GDAP2: variants seen among roughly 807,000 people sequenced by gnomAD.
The protein encoded by GDAP2 is ganglioside induced differentiation associated protein 2.
A neutral mutation model predicts 67.0 loss-of-function variants in GDAP2; 51 were observed. The observed-to-expected ratio is 0.76, with a 90% CI of 0.61 to 0.96. The LOEUF is 0.96. GDAP2 is among the 40% of genes least tolerant of loss of function. The pLI is 0.00. For missense variants in GDAP2, 547 were observed against 588.3 expected (o/e 0.93, Z 0.73); for synonymous variants, 203 against 207.3 (o/e 0.98, Z 0.18).
At chr1:117,900,017 CAT>C (rs1157326716) in intron 6 of GDAP2, among the ~76,000 whole-genome samples, 1 of 151,898 alleles carries the variant, frequency 6.6e-6, no homozygotes, top group African/African-American at 2.4e-5. Flanking sequence ...CTTTTAAATA[CAT>C]ATATAAGATT....
At chr1:117,908,681 T>C (rs1649742986) in intron 5 of GDAP2, among the ~76,000 whole-genome samples, 1 of 151,888 alleles carries the variant, frequency 6.6e-6, no homozygotes, top group Non-Finnish European at 1.5e-5. Context: ...AAAAATTAGC[T>C]AGGTATGGTG....
At chr1:117,906,366 T>C (rs566948881) in intron 6 of GDAP2, 140 bp downstream of exon 6, 44 of 574,598 alleles carry the variant, frequency 7.7e-5, no homozygotes, top group African/African-American at 4.3e-4. Flanking sequence ...CAATGAATGA[T>C]TGTAAGACCC....
At chr1:117,921,353 A>G (rs1010238655) in intron 1 of GDAP2, among the ~76,000 whole-genome samples, 2 of 152,240 alleles carry the variant, frequency 1.3e-5, no homozygotes, top group Non-Finnish European at 1.5e-5. Flanking sequence ...GTTTCCATGG[A>G]GAAGACAGAA....
At chr1:117,906,464 G>T in intron 6 of GDAP2, 42 bp downstream of exon 6, 1 of 1,041,334 alleles carries the variant, frequency 9.6e-7, no homozygotes. Context: ...AATGCTTAAA[G>T]ATAGAAATAA....
intron 5 of GDAP2, among the ~76,000 whole-genome samples, chr1:117,908,094 A>G (rs1649722741): frequency 6.6e-6 from 1 of 151,654 alleles, no homozygotes; most frequent in Admixed American, 6.6e-5. Context: ...CCACTCATCC[A>G]CCATTCTCTT....
rs772816395 is a variant in GDAP2, at chr1:117,899,175, T to A, written c.678A>T (p.Ser226=). ...QKLLPLYFPR[S]LKEENRSLPY... ...GCAATGATCGATTCTCCTCTTTTAA[T>A]GACCTTGGGAAGTAGAGAGGTAGCA... is the stretch of plus-strand genomic sequence containing the variant. Residue 226 remains serine, a synonymous_variant, in exon 7 of 14, where the codon TCA becomes TCT. Transcript: ENST00000369443. 1 of 1,612,042 alleles carries A rather than the reference T, an allele frequency of 6.2e-7. No individual in the cohort carries two copies. Among genetic ancestry groups the A allele is most frequent in the East Asian group, 2.2e-5 (1 of 44,874 alleles).
At chr1:117,891,220 C>T (rs1467231086) in intron 8 of GDAP2, among the ~76,000 whole-genome samples, 1 of 150,248 alleles carries the variant, frequency 6.7e-6, no homozygotes, top group Non-Finnish European at 1.5e-5. Context: ...CAGGGTTTTG[C>T]TATTGTGAAG....
chr1:117,908,691 G>C (rs1649743210), intron 5 of GDAP2, among the ~76,000 whole-genome samples: 1 of 151,998 alleles, frequency 6.6e-6, no homozygotes, highest in South Asian at 2.1e-4. Context: ...TAGGTATGGT[G>C]ACGCATGCCT....
intron 1 of GDAP2, among the ~76,000 whole-genome samples, chr1:117,920,858 TTA>T (rs1411214574): frequency 5.9e-5 from 9 of 151,600 alleles, no homozygotes; most frequent in Non-Finnish European, 2.9e-5. Flanking sequence ...AGCTGGGAGG[TTA>T]CTGCAATCAA....
In GDAP2 at chr1:117,928,419, CATA is replaced by C. The variant is rs1650538976; in HGVS notation, c.-68+1026_-68+1028del. 3.3e-5 allele frequency among the ~76,000 whole-genome samples: 5 copies of C among 152,142 alleles called. No individual in the cohort carries two copies. In the South Asian group the frequency reaches 8.3e-4, roughly 25 times the overall value. On this transcript the variant is annotated intron_variant, in intron 1 of 13. Coordinates refer to ENST00000369443, the MANE Select transcript of GDAP2 (RefSeq NM_017686.4). ...TTCCATTGAAGCACACACTTCTCCCCATAATAATATAATGCACAGCACCTGTCA... is the reference window on the plus strand; with the variant it reads ...TTCCATTGAAGCACACACTTCTCCCCATAATATAATGCACAGCACCTGTCA...
At chr1:117,917,406 A>C (rs1650085551) in intron 3 of GDAP2, among the ~76,000 whole-genome samples, 1 of 152,254 alleles carries the variant, frequency 6.6e-6, no homozygotes. Flanking sequence ...CTAATAACTA[A>C]CACCTAATAA....
intron 10 of GDAP2, 34 bp from the exon 11 acceptor site, chr1:117,883,661 A>G (rs779420450): frequency 1.3e-6 from 2 of 1,520,150 alleles, no homozygotes; most frequent in Non-Finnish European, 1.8e-6. Flanking sequence ...GGTGAAGATC[A>G]TTTTGAACAG....
chr1:117,928,969 G>A (rs540252357), intron 1 of GDAP2, among the ~76,000 whole-genome samples: 1 of 152,278 alleles, frequency 6.6e-6, no homozygotes, highest in East Asian at 1.9e-4. Flanking sequence ...CGGCCAGAGA[G>A]CGGAAACACA....
chr1:117,881,846 C>T lies in GDAP2; in HGVS notation c.1279G>A (p.Val427Ile), dbSNP rs1050690392. The T allele has an allele frequency of 6.3e-7, 1 of 1,579,438 alleles. No individual in the cohort carries two copies. The highest frequency in any genetic ancestry group is 8.7e-7 in the Non-Finnish European group (1 of 1,148,610). Residue 427 changes from valine (V) to isoleucine (I), a missense_variant, in exon 12 of 14, where the codon GTA becomes ATA. Val to Ile is a conservative substitution (Grantham distance 29). Transcript: ENST00000369443. ...YKRNLKAVYF[V>I]HPTFRSKVST... ...ACCTTTGAACGAAATGTGGGATGTA[C>T]AAAATAAACAGCCTTCAAATTCCTC...
At chr1:117,908,746 G>A (rs1048442894) in intron 5 of GDAP2, among the ~76,000 whole-genome samples, 2 of 151,940 alleles carry the variant, frequency 1.3e-5, no homozygotes, top group African/African-American at 4.8e-5. Flanking sequence ...GATCACTTGA[G>A]CCCAGGAGGT....
At position 117,877,505 on chromosome 1, in the gene GDAP2, T is replaced by C. The variant is rs992390839; in HGVS notation, c.1446+504A>G. 3 of 975,536 alleles carry C rather than the reference T, an allele frequency of 3.1e-6. No homozygotes were observed. In the South Asian group the frequency reaches 1.4e-4, roughly 46 times the overall value. 60.4% of individuals were successfully genotyped at this position (975,536 alleles called of 1,614,324 possible). On this transcript the variant is annotated intron_variant, in intron 13 of 13. Coordinates refer to ENST00000369443, the MANE Select transcript of GDAP2 (RefSeq NM_017686.4). ...GACTAGTGCTTATGTAACAGATCCATAAACGCATCTATAAATAACAACAAT... is the reference window on the plus strand; with the variant it reads ...GACTAGTGCTTATGTAACAGATCCACAAACGCATCTATAAATAACAACAAT...
intron 3 of GDAP2, among the ~76,000 whole-genome samples, chr1:117,916,159 C>CT (rs1373456092): frequency 6.6e-6 from 1 of 152,154 alleles, no homozygotes; most frequent in Admixed American, 6.6e-5. Context: ...GAGAGAAGTA[C>CT]TGCAGGCTGG....
At chr1:117,888,229 C>T (rs1379471751) in intron 8 of GDAP2, among the ~76,000 whole-genome samples, 1 of 152,148 alleles carries the variant, frequency 6.6e-6, no homozygotes, top group African/African-American at 2.4e-5. Flanking sequence ...ACATGGTTGC[C>T]TCCCTCAAGA....
chr1:117,886,570 G>A lies in GDAP2; in HGVS notation c.1107+7C>T, dbSNP rs757126601. Reference sequence around the variant, plus strand: ...TGTTTGTAAAACAGAGCCTTTTTATGGCTTACCTTGTCCATATCTATTAAT... The same window carrying A: ...TGTTTGTAAAACAGAGCCTTTTTATAGCTTACCTTGTCCATATCTATTAAT... On this transcript the variant is annotated splice_region_variant and intron_variant, in intron 10 of 13. Coordinates refer to ENST00000369443, the MANE Select transcript of GDAP2 (RefSeq NM_017686.4). The A allele has an allele frequency of 6.9e-7, 1 of 1,442,172 alleles. No individual in the cohort carries two copies. The highest frequency in any genetic ancestry group is 9.8e-7 in the Non-Finnish European group (1 of 1,024,208). The allele number at this position is 1,442,172 out of a possible 1,614,324, so 89.3% of individuals were successfully genotyped here.
Sources: gnomAD v4.1 joint callset for allele counts (sites outside exome capture counted in the v4.1 genomes callset) on GRCh38, gnomAD v4.1.1 for gene constraint, MANE v1.5 for transcripts, NCBI Gene and HGNC (gene_info 2026-07-23, HGNC 2026-07-21) for gene names.